Variants in C19orf81 observed in about 807,000 individuals in gnomAD.
C19orf81 encodes the protein chromosome 19 open reading frame 81.
A neutral mutation model predicts 22.1 loss-of-function variants in C19orf81; 19 were observed. The ratio of observed to expected loss-of-function variants is 0.86; its 90% confidence interval spans 0.60 to 1.26. The LOEUF (loss-of-function observed/expected upper bound fraction) is 1.26. Ranked by LOEUF, C19orf81 falls within the 50% of genes most tolerant of loss-of-function variation. The pLI is 0.00. For synonymous variants in C19orf81, 108 were observed against 113.1 expected (o/e 0.95, Z 0.29); for missense variants, 287 against 280.7 (o/e 1.02, Z -0.16).
chr19:50,658,191 G>C (rs1985042899), intron 4 of C19orf81, 63 bp downstream of exon 4: 1 of 1,461,880 alleles, frequency 6.8e-7, no homozygotes, highest in African/African-American at 1.4e-5. Flanking sequence ...GGGCGACCGG[G>C]TAAGAGCGTG....
At chr19:50,652,328 C>T (rs533934494) in intron 1 of C19orf81, among the ~76,000 whole-genome samples, 1 of 152,142 alleles carries the variant, frequency 6.6e-6, no homozygotes, top group Non-Finnish European at 1.5e-5. Flanking sequence ...TTGCTAGATG[C>T]TGGGGACGAA....
chr19:50,659,158 C>G lies in C19orf81; in HGVS notation c.*16C>G. On this transcript the variant is annotated 3_prime_UTR_variant, in exon 5 of 5. Coordinates refer to ENST00000425202, the MANE Select transcript of C19orf81 (RefSeq NM_001195076.2). Reference sequence around the variant, plus strand: ...GGAGGCCTGACGCCCGGGCGGGCCCCGGCAGCGCTTGCGCACCGCCCCGCG... The same window carrying G: ...GGAGGCCTGACGCCCGGGCGGGCCCGGGCAGCGCTTGCGCACCGCCCCGCG... 7.7e-7 allele frequency: 1 copy of G among 1,303,092 alleles called. No individual in the cohort carries two copies. Among genetic ancestry groups the G allele is most frequent in the Non-Finnish European group, 9.7e-7 (1 of 1,027,380 alleles). The allele number at this position is 1,303,092 out of a possible 1,614,324, so 80.7% of individuals were successfully genotyped here. A position where few individuals can be genotyped will look rare whatever the true frequency, so the allele number is the denominator to read the frequency against.
intron 1 of C19orf81, among the ~76,000 whole-genome samples, chr19:50,654,613 CCCTTCCTTCCTT>C (rs200893812): frequency 1.3e-5 from 2 of 149,250 alleles, no homozygotes; most frequent in South Asian, 2.1e-4. Context: ...CTCCCTCCCT[CCCTTCCTTCCTT>C]CCTTCCTTCT....
chr19:50,650,584 T>TTG (rs1984855194), intron 1 of C19orf81, among the ~76,000 whole-genome samples: 1 of 152,020 alleles, frequency 6.6e-6, no homozygotes, highest in African/African-American at 2.4e-5. Flanking sequence ...GGCAGGAGAA[T>TTG]CGCTTGAACC....
intron 1 of C19orf81, chr19:50,649,917 T>C (rs1984842015): frequency 4.5e-6 from 2 of 446,616 alleles, no homozygotes; most frequent in Non-Finnish European, 9.0e-6. Flanking sequence ...GGTGCCATCC[T>C]TCCACCTCCC....
In C19orf81 at chr19:50,656,232, G is replaced by A. The variant is rs1200806947; in HGVS notation, c.147G>A (p.Gln49=). Residue 49 remains glutamine, a synonymous_variant, in exon 3 of 5, where the codon CAG becomes CAA. Coordinates refer to ENST00000425202, the MANE Select transcript of C19orf81 (RefSeq NM_001195076.2). ...CTGTTCGCTCTCTCCCTAGAAAGCA[G>A]TACCTGCGGCAGGTCATTGCAGAGT... The part of the protein sequence containing the change: ...SLGRPIKSSK[Q]YLRQVIAEYE... The A allele has an allele frequency of 1.3e-6, 2 of 1,536,160 alleles. No homozygotes were observed. The highest frequency in any genetic ancestry group is 2.4e-5 in the South Asian group (2 of 84,060).
rs377132289 is a variant in C19orf81, at chr19:50,659,110, G to A, written c.565G>A (p.Ala189Thr). 1,240 of 1,468,128 alleles carry A rather than the reference G, an allele frequency of 8.4e-4. 3 individuals carry two copies. The highest frequency in any genetic ancestry group is 5.3e-3 in the Middle Eastern group (28 of 5,326). 90.9% of individuals were successfully genotyped at this position (1,468,128 alleles called of 1,614,324 possible). A position where few individuals can be genotyped will look rare whatever the true frequency, so the allele number is the denominator to read the frequency against. The change falls in exon 5 of 5, where the codon GCC (alanine) becomes ACC (threonine). Residue 189 changes from alanine (A) to threonine (T), a missense_variant. Physicochemically the swap from Ala to Thr is moderately conservative, Grantham distance 58. Transcript: ENST00000425202. ...RSLVRRRMLE[A>T]LGAEPNEEA ...CCTGGTCCGGCGGCGCATGCTCGAG[G>A]CCCTGGGGGCGGAGCCGAACGAGGA...
chr19:50,652,709 C>T (rs1984902759), intron 1 of C19orf81, among the ~76,000 whole-genome samples: 1 of 152,074 alleles, frequency 6.6e-6, no homozygotes, highest in Non-Finnish European at 1.5e-5. Flanking sequence ...TTTATTCATC[C>T]CACAGACAAT....
At chr19:50,656,475 G>T (rs184487944) in intron 3 of C19orf81, 129 bp downstream of exon 3, 366 of 1,290,168 alleles carry the variant, frequency 2.8e-4, no homozygotes, top group Non-Finnish European at 3.6e-4. Flanking sequence ...CTTGCCACCA[G>T]GACAGTTTGC....
At chr19:50,651,825 T>C (rs1303386463) in intron 1 of C19orf81, among the ~76,000 whole-genome samples, 2 of 152,216 alleles carry the variant, frequency 1.3e-5, no homozygotes, top group Admixed American at 1.3e-4. Flanking sequence ...ATTAAATACA[T>C]TTACATATAT....
chr19:50,658,930 C>T lies in C19orf81; in HGVS notation c.402-17C>T. The T allele has an allele frequency of 1.4e-6, 2 of 1,445,708 alleles. No individual in the cohort carries two copies. Among genetic ancestry groups the T allele is most frequent in the Non-Finnish European group, 9.1e-7 (1 of 1,093,104 alleles). 89.6% of individuals were successfully genotyped at this position (1,445,708 alleles called of 1,614,324 possible). ...AACGACCTGCGAGTTCCTTTTCCGT[C>T]CCCACCCCCCTTACAGGTGGCTCAT... On this transcript the variant is annotated splice_polypyrimidine_tract_variant and intron_variant, in intron 4 of 4. Transcript: ENST00000425202.
chr19:50,655,483 TA>T (rs1483511459), intron 1 of C19orf81, among the ~76,000 whole-genome samples: 1 of 152,080 alleles, frequency 6.6e-6, no homozygotes, highest in Non-Finnish European at 1.5e-5. Flanking sequence ...ACCCCGTCTC[TA>T]CTAAAAATAC....
At position 50,652,086 on chromosome 19, in the gene C19orf81, C is replaced by T. The variant is rs535507882; in HGVS notation, c.67+2575C>T. ...GCAGCCTCAAAATCCTGGGCTCAAG[C>T]GATCCTCCTGCCTCAGCCTCCCAAA... On this transcript the variant is annotated intron_variant, in intron 1 of 4. Transcript: ENST00000425202. 1.8e-4 allele frequency among the ~76,000 whole-genome samples: 27 copies of T among 152,260 alleles called. No individual in the cohort carries two copies. The South Asian group carries it at 5.4e-3, about 30-fold the overall frequency.
At chr19:50,656,493 T>G in intron 3 of C19orf81, 147 bp downstream of exon 3, 2 of 1,195,622 alleles carry the variant, frequency 1.7e-6, no homozygotes, top group Non-Finnish European at 2.3e-6. Context: ...TGCTGAAAAC[T>G]GATTGTGAAT....
chr19:50,657,572 G>C (rs1985023376), intron 3 of C19orf81, among the ~76,000 whole-genome samples: 1 of 152,092 alleles, frequency 6.6e-6, no homozygotes, highest in Non-Finnish European at 1.5e-5. Flanking sequence ...TTCTTAAAAT[G>C]CTAATACGAA....
rs2123044896 is a variant in C19orf81, at chr19:50,658,120, C to T, written c.393C>T (p.Arg131=). ...NMNVICGTAG[R]RNRWLIAVTD... ...ACGTCATCTGTGGGACTGCTGGGCG[C>T]CGGAACCGGTGAGTAAGCGGCGGGG... The change falls in exon 4 of 5, where the codon CGC becomes CGT. Residue 131 remains arginine (R), a synonymous_variant. Transcript: ENST00000425202. 6.5e-7 allele frequency: 1 copy of T among 1,533,978 alleles called. No individual in the cohort carries two copies. The highest frequency in any genetic ancestry group is 2.0e-5 in the Admixed American group (1 of 50,582).
chr19:50,658,191 G>A, intron 4 of C19orf81, 63 bp downstream of exon 4: 2 of 1,461,878 alleles, frequency 1.4e-6, no homozygotes, highest in Non-Finnish European at 1.8e-6. Flanking sequence ...GGGCGACCGG[G>A]TAAGAGCGTG....
intron 3 of C19orf81, among the ~76,000 whole-genome samples, chr19:50,657,469 A>G (rs1342455625): frequency 1.3e-5 from 2 of 152,228 alleles, no homozygotes; most frequent in African/African-American, 2.4e-5. Flanking sequence ...ACGTGATGCA[A>G]CTGTGTTTAG....
chr19:50,658,037 C>T lies in C19orf81; in HGVS notation c.310C>T (p.Gln104Ter), dbSNP rs759810149. 6.5e-7 allele frequency: 1 copy of T among 1,535,956 alleles called. No homozygotes were observed. The highest frequency in any genetic ancestry group is 1.2e-5 in the South Asian group (1 of 84,028). Reference protein sequence around the residue: ...HLEVLQALEAQLPGAMESGRV... With the variant: ...HLEVLQALEA Reference sequence around the variant, plus strand: ...GGAGGTGCTGCAAGCCCTGGAGGCCCAGTTACCAGGGGCCATGGAGAGCGG... The same window carrying T: ...GGAGGTGCTGCAAGCCCTGGAGGCCTAGTTACCAGGGGCCATGGAGAGCGG... The change falls in exon 4 of 5, where the codon CAG becomes TAG. Residue 104 changes from glutamine (Q) to a stop codon, truncating the protein, a stop_gained. Transcript: ENST00000425202. LOFTEE classifies it high-confidence loss of function.
Sources: allele counts gnomAD v4.1 joint callset (sites outside exome capture counted in the v4.1 genomes callset), GRCh38; gene constraint gnomAD v4.1.1; transcripts MANE v1.5; gene names NCBI Gene and HGNC (gene_info 2026-07-23, HGNC 2026-07-21).